VAV2: variants seen among roughly 807,000 people sequenced by gnomAD.
The protein encoded by VAV2 is guanine nucleotide exchange factor VAV2.
Under a neutral mutation model 132.5 loss-of-function variants are expected in VAV2, and 67 were observed. The observed-to-expected ratio is 0.51, with a 90% CI of 0.42 to 0.62. The LOEUF is 0.62. Ranked by LOEUF, VAV2 falls within the 20% of genes least tolerant of loss-of-function variation. VAV2 has a pLI of 0.00. For synonymous variants in VAV2, 492 were observed against 443.5 expected (o/e 1.11, Z -1.37); for missense variants, 938 against 1,153.6 (o/e 0.81, Z 2.71).
chr9:133,878,057 T>G (rs549085093), intron 2 of VAV2, among the ~76,000 whole-genome samples: 117 of 152,130 alleles, frequency 7.7e-4, no homozygotes, highest in Non-Finnish European at 1.4e-3. Context: ...TGTCTGACGG[T>G]GAAGGAGGGT....
At chr9:133,929,208 C>T (rs1840588151) in intron 2 of VAV2, among the ~76,000 whole-genome samples, 1 of 152,124 alleles carries the variant, frequency 6.6e-6, no homozygotes, top group African/African-American at 2.4e-5. Context: ...TTCGTGGGTC[C>T]ACTCTCACCT....
chr9:133,923,278 A>C (rs778982491), intron 2 of VAV2, among the ~76,000 whole-genome samples: 11 of 152,202 alleles, frequency 7.2e-5, no homozygotes, highest in Non-Finnish European at 1.6e-4. Context: ...AACAGTACGG[A>C]GTTTCCTCAA....
At position 133,883,499 on chromosome 9, in the gene VAV2, T is replaced by C. The variant is rs1023177639; in HGVS notation, c.322-22067A>G. Among the ~76,000 whole-genome samples the C allele has an allele frequency of 2.0e-5, 3 of 151,836 alleles. No homozygotes were observed. The highest frequency in any genetic ancestry group is 4.4e-5 in the Non-Finnish European group (3 of 67,982). On this transcript the variant is annotated intron_variant, in intron 2 of 29. Transcript: ENST00000371850. The surrounding 1 kb of genome is among the most constrained non-coding windows in gnomAD (Gnocchi z 4.2). ...GGAACATGTTGAAACAATGAGGGGATAGAACAACCACTCACCCTGCAGACT... is the reference window on the plus strand; with the variant it reads ...GGAACATGTTGAAACAATGAGGGGACAGAACAACCACTCACCCTGCAGACT...
intron 1 of VAV2, among the ~76,000 whole-genome samples, chr9:133,966,401 TA>T (rs2132240428): frequency 6.6e-6 from 1 of 152,350 alleles, no homozygotes; most frequent in East Asian, 1.9e-4. Flanking sequence ...GGATTTTTAA[TA>T]ACCAGAATAC....
chr9:133,942,670 C>T (rs573759012), intron 1 of VAV2, among the ~76,000 whole-genome samples: 7 of 152,386 alleles, frequency 4.6e-5, no homozygotes, highest in African/African-American at 1.7e-4. Context: ...TAATCACAGC[C>T]GGCCAGGCCC....
intron 3 of VAV2, among the ~76,000 whole-genome samples, chr9:133,846,326 T>G (rs1433251772): frequency 1.3e-5 from 2 of 152,152 alleles, no homozygotes; most frequent in Non-Finnish European, 2.9e-5. Context: ...GCACCTCCTG[T>G]TGGCTACCAG....
At chr9:133,864,783 A>G (rs1009915283) in intron 2 of VAV2, among the ~76,000 whole-genome samples, 4 of 152,178 alleles carry the variant, frequency 2.6e-5, no homozygotes, top group African/African-American at 2.4e-5. Flanking sequence ...GCACGTCCCA[A>G]TTGTCCACTT....
In VAV2 at chr9:133,802,991, TG is replaced by T. The variant is rs1312072433; in HGVS notation, c.836+3089del. ...CCAAAGGCAGCCCTGCCAGAGCAGGTGGCCAAGCCAACCCCTACTGGGGTTT... is the reference window on the plus strand; with the variant it reads ...CCAAAGGCAGCCCTGCCAGAGCAGGTGCCAAGCCAACCCCTACTGGGGTTT... On this transcript the variant is annotated intron_variant, in intron 9 of 29. Transcript: ENST00000371850. The surrounding 1 kb of genome is among the most constrained non-coding windows in gnomAD (Gnocchi z 5.8). 2.6e-5 allele frequency among the ~76,000 whole-genome samples: 4 copies of T among 152,194 alleles called. No homozygotes were observed. The highest frequency in any genetic ancestry group is 2.1e-4 in the South Asian group (1 of 4,828).
In VAV2 at chr9:133,809,103, G is replaced by A. The variant is rs1835264738; in HGVS notation, c.603C>T (p.Cys201=). The change falls in exon 7 of 30, where the codon TGC becomes TGT. Residue 201 remains cysteine (C), a synonymous_variant. Transcript: ENST00000371850. ...MGMTEDDKRN[C]CLLEIQETEA... ...CGGTCTCCTGGATCTCCAGCAGGCA[G>A]CAGTTCCTCTTGTCATCTTCAGTCA... The A allele has an allele frequency of 2.5e-6, 4 of 1,614,012 alleles. No homozygotes were observed. Among genetic ancestry groups the A allele is most frequent in the African/African-American group, 2.7e-5 (2 of 75,060 alleles).
At chr9:133,955,312 G>A (rs373771237) in intron 1 of VAV2, among the ~76,000 whole-genome samples, 2 of 151,788 alleles carry the variant, frequency 1.3e-5, no homozygotes, top group Non-Finnish European at 2.9e-5. Flanking sequence ...CCCCATACCC[G>A]ATGCCAAGGC....
chr9:133,889,213 T>G (rs1180690972), intron 2 of VAV2, among the ~76,000 whole-genome samples: 3 of 152,302 alleles, frequency 2.0e-5, no homozygotes, highest in Middle Eastern at 6.8e-3. Context: ...CCCCAGGTCT[T>G]GGCCTGGGTT....
chr9:133,835,409 G>T (rs1424995849), intron 3 of VAV2, among the ~76,000 whole-genome samples: 1 of 151,976 alleles, frequency 6.6e-6, no homozygotes, highest in Non-Finnish European at 1.5e-5. Context: ...GCGGAAGGGA[G>T]GGAGGGGTGG....
chr9:133,768,645 C>CAGTG lies in VAV2; in HGVS notation c.2435-53_2435-50dup. On this transcript the variant is annotated intron_variant, in intron 28 of 29. Transcript: ENST00000371850. This position sits in a 1 kb window ranked among gnomAD's most constrained non-coding sequence, Gnocchi z 5.3. ...CACACAGCTGCAGGAGGAGCCCAAC[C>CAGTG]AGTGATCCAGGAGGCCCTTGGGCCA... The CAGTG allele has an allele frequency of 6.3e-7, 1 of 1,586,942 alleles. No homozygotes were observed. Among genetic ancestry groups the CAGTG allele is most frequent in the Non-Finnish European group, 8.6e-7 (1 of 1,167,538 alleles).
At chr9:133,821,203 TCA>T (rs1835774101) in intron 4 of VAV2, among the ~76,000 whole-genome samples, 1 of 152,156 alleles carries the variant, frequency 6.6e-6, no homozygotes, top group Non-Finnish European at 1.5e-5. Flanking sequence ...CTCCGTGTCA[TCA>T]GAGGCTATAC....
chr9:133,815,191 C>T (rs1347525519), intron 4 of VAV2, among the ~76,000 whole-genome samples: 1 of 152,014 alleles, frequency 6.6e-6, no homozygotes, highest in Non-Finnish European at 1.5e-5. Flanking sequence ...GTCCCCCGCC[C>T]GCCTCCCTCT....
chr9:133,892,318 G>C (rs897245928), intron 2 of VAV2, among the ~76,000 whole-genome samples: 1 of 151,786 alleles, frequency 6.6e-6, no homozygotes, highest in Non-Finnish European at 1.5e-5. Flanking sequence ...TGGTGCTTCC[G>C]CAGGGCTGCA....
intron 1 of VAV2, among the ~76,000 whole-genome samples, chr9:133,963,607 G>A (rs562483988): frequency 1.1e-4 from 16 of 152,298 alleles, no homozygotes; most frequent in Admixed American, 5.2e-4. Flanking sequence ...GCTTGGTCTG[G>A]TCAACTCCAG....
intron 13 of VAV2, among the ~76,000 whole-genome samples, 166 bp from the exon 14 acceptor site, chr9:133,789,509 C>T (rs1005999957): frequency 6.6e-6 from 1 of 152,270 alleles, no homozygotes; most frequent in East Asian, 1.9e-4. Context: ...TCAGGATGGA[C>T]GAGGGAGGGT....
At position 133,840,623 on chromosome 9, in the gene VAV2, A is replaced by G. The variant is rs1040117531; in HGVS notation, c.381-6283T>C. 1.3e-5 allele frequency among the ~76,000 whole-genome samples: 2 copies of G among 152,180 alleles called. No homozygotes were observed. Among genetic ancestry groups the G allele is most frequent in the Non-Finnish European group, 2.9e-5 (2 of 68,032 alleles). ...ACCCCGAAGGAAGAGCAGAGGAAAC[A>G]CAGCTCCTGCTTCCAAAGAGCTCCT... On this transcript the variant is annotated intron_variant, in intron 3 of 29. Transcript: ENST00000371850. This position sits in a 1 kb window ranked among gnomAD's most constrained non-coding sequence, Gnocchi z 4.5.
Sources: gnomAD v4.1 joint callset for allele counts (sites outside exome capture counted in the v4.1 genomes callset) on GRCh38, gnomAD v4.1.1 for gene constraint, Gnocchi (gnomAD v3.1) non-coding constraint, MANE v1.5 for transcripts, NCBI Gene and HGNC (gene_info 2026-07-23, HGNC 2026-07-21) for gene names.